MIR2052HG: variants seen among roughly 807,000 people sequenced by gnomAD.
MIR2052HG encodes the protein MIR2052 host gene.
chr8:74,698,055 A>T (rs1809317753), intron 2 of MIR2052HG, among the ~76,000 whole-genome samples: 1 of 152,096 alleles, frequency 6.6e-6, no homozygotes, highest in Non-Finnish European at 1.5e-5. Flanking sequence ...CCAATGCAAA[A>T]CTAAGCAAAA....
At chr8:74,600,939 T>A (rs566676519) in intron 1 of MIR2052HG, among the ~76,000 whole-genome samples, 19 of 152,304 alleles carry the variant, frequency 1.2e-4, no homozygotes, top group African/African-American at 4.3e-4. Flanking sequence ...GGGACATAGG[T>A]CTTACTGGCC....
intron 2 of MIR2052HG, among the ~76,000 whole-genome samples, chr8:74,644,647 T>C (rs1808672891): frequency 6.6e-6 from 1 of 152,046 alleles, no homozygotes; most frequent in Admixed American, 6.6e-5. Flanking sequence ...TCCTAGCACT[T>C]TGGGGGGCTG....
intron 4 of MIR2052HG, among the ~76,000 whole-genome samples, chr8:74,728,929 G>C (rs946730160): frequency 6.6e-6 from 1 of 151,964 alleles, no homozygotes; most frequent in Admixed American, 6.6e-5. Context: ...CATTGCCTTT[G>C]GTTATCACAA....
intron 2 of MIR2052HG, among the ~76,000 whole-genome samples, chr8:74,639,824 T>A (rs75919234): frequency 6.6e-5 from 10 of 152,160 alleles, no homozygotes; most frequent in South Asian, 2.1e-4. Flanking sequence ...CTTTTTTTTT[T>A]ATCAAAGTCC....
chr8:74,606,477 A>C (rs1370132070), intron 1 of MIR2052HG, among the ~76,000 whole-genome samples: 2 of 152,242 alleles, frequency 1.3e-5, no homozygotes, highest in Non-Finnish European at 2.9e-5. Flanking sequence ...AATATGTGAC[A>C]ATACAATCAC....
At chr8:74,674,470 A>C (rs1287010051) in intron 2 of MIR2052HG, among the ~76,000 whole-genome samples, 1 of 151,990 alleles carries the variant, frequency 6.6e-6, no homozygotes, top group East Asian at 1.9e-4. Context: ...AATTTTACAT[A>C]AAATTAAACA....
intron 2 of MIR2052HG, among the ~76,000 whole-genome samples, chr8:74,682,894 T>C (rs1809140862): frequency 1.3e-5 from 2 of 152,292 alleles, no homozygotes; most frequent in Middle Eastern, 6.8e-3. Context: ...TTTGAAATTA[T>C]GGTTCATTCA....
chr8:74,739,638 T>C (rs1235639702), intron 4 of MIR2052HG, among the ~76,000 whole-genome samples: 1 of 152,120 alleles, frequency 6.6e-6, no homozygotes, highest in Non-Finnish European at 1.5e-5. Flanking sequence ...ATCAAACACA[T>C]TTTAGTTTGG....
At chr8:74,626,676 A>G (rs1808440773) in intron 2 of MIR2052HG, among the ~76,000 whole-genome samples, 1 of 152,200 alleles carries the variant, frequency 6.6e-6, no homozygotes, top group East Asian at 1.9e-4. Flanking sequence ...CATTGTCAGC[A>G]TCTGCACCCA....
chr8:74,753,256 G>A (rs1809966504), intron 5 of MIR2052HG, among the ~76,000 whole-genome samples: 1 of 152,106 alleles, frequency 6.6e-6, no homozygotes, highest in Non-Finnish European at 1.5e-5. Flanking sequence ...AAACAACTTT[G>A]CCTTTGAGTG....
chr8:74,670,856 G>T (rs185415425), intron 2 of MIR2052HG, among the ~76,000 whole-genome samples: 1 of 151,968 alleles, frequency 6.6e-6, no homozygotes, highest in African/African-American at 2.4e-5. Flanking sequence ...TTAAATAAAC[G>T]ATTTCTTTCT....
intron 2 of MIR2052HG, among the ~76,000 whole-genome samples, chr8:74,631,167 G>A (rs920186721): frequency 6.6e-6 from 1 of 152,154 alleles, no homozygotes; most frequent in African/African-American, 2.4e-5. Flanking sequence ...ACCTCATTCA[G>A]GCCACTCTAA....
intron 2 of MIR2052HG, among the ~76,000 whole-genome samples, chr8:74,671,535 A>G (rs944501468): frequency 6.6e-6 from 1 of 152,140 alleles, no homozygotes; most frequent in Non-Finnish European, 1.5e-5. Flanking sequence ...TGAGGATCCA[A>G]AAGTAGATTT....
chr8:74,603,790 G>T, intron 1 of MIR2052HG: 1 of 844,482 alleles, frequency 1.2e-6, no homozygotes, highest in South Asian at 1.3e-5. Context: ...GATGGATTGT[G>T]GGATGCCAGC....
At chr8:74,671,497 A>G (rs1186346581) in intron 2 of MIR2052HG, among the ~76,000 whole-genome samples, 2 of 152,132 alleles carry the variant, frequency 1.3e-5, no homozygotes, top group African/African-American at 4.8e-5. Context: ...ACAACTACTT[A>G]AGGTACTTTT....
intron 2 of MIR2052HG, among the ~76,000 whole-genome samples, chr8:74,698,180 A>G (rs2128740546): frequency 6.6e-6 from 1 of 152,338 alleles, no homozygotes; most frequent in East Asian, 1.9e-4. Flanking sequence ...ATGGAACAGA[A>G]TAGAGAACCA....
At chr8:74,617,677 A>C (rs1341778901) in intron 2 of MIR2052HG, among the ~76,000 whole-genome samples, 1 of 152,164 alleles carries the variant, frequency 6.6e-6, no homozygotes, top group Non-Finnish European at 1.5e-5. Context: ...ATACAAGTGC[A>C]GGCATCTTTT....
Position 74,650,202 on chromosome 8 carries a change from G to A in MIR2052HG, n.216+37262G>A, listed in dbSNP as rs1395702597. On this transcript the variant is annotated intron_variant and non_coding_transcript_variant, in intron 2 of 6. Transcript: ENST00000523442. ...ACCACAATCAGGATATGTAAAGGCA[G>A]ACAATTTCATCACCCCTTTCAGTCT... is the stretch of plus-strand genomic sequence containing the variant. Among the ~76,000 whole-genome samples, 3 of 152,146 alleles carry A rather than the reference G, an allele frequency of 2.0e-5. No individual in the cohort carries two copies. The East Asian group carries it at 5.8e-4, about 29-fold the overall frequency.
At chr8:74,692,115 C>T (rs1276757602) in intron 2 of MIR2052HG, among the ~76,000 whole-genome samples, 1 of 152,122 alleles carries the variant, frequency 6.6e-6, no homozygotes, top group Non-Finnish European at 1.5e-5. Context: ...CAGAGTCTCA[C>T]TCTGTCATAA....
Sources: allele counts gnomAD v4.1 joint callset (sites outside exome capture counted in the v4.1 genomes callset), GRCh38; gene constraint gnomAD v4.1.1; transcripts MANE v1.5; gene names NCBI Gene and HGNC (gene_info 2026-07-23, HGNC 2026-07-21).